The following PCCA variants were observed in gnomAD, a reference collection of about 807,000 sequenced individuals.
PCCA encodes propionyl-CoA carboxylase subunit alpha.
In PCCA, 74 loss-of-function variants were observed where a neutral mutation model predicts 101.3. The ratio of observed to expected loss-of-function variants is 0.73; its 90% CI spans 0.61 to 0.89. The LOEUF (loss-of-function observed/expected upper bound fraction) is 0.89. PCCA is among the 40% of genes least tolerant of loss of function. PCCA has a pLI of 0.00. For synonymous variants in PCCA, 294 were observed against 313.6 expected, an observed-to-expected ratio of 0.94 and a Z score of 0.66; for missense variants, 891 against 907.0, an observed-to-expected ratio of 0.98 and a Z score of 0.23.
intron 21 of PCCA, among the ~76,000 whole-genome samples, chr13:100,467,955 A>C (rs918760745): frequency 2.0e-5 from 3 of 152,178 alleles, no homozygotes; most frequent in Admixed American, 1.3e-4. Flanking sequence ...TAGTCTTCCA[A>C]ATGTATTTCT....
intron 4 of PCCA, among the ~76,000 whole-genome samples, chr13:100,132,908 T>C (rs1011628112): frequency 1.3e-5 from 2 of 152,104 alleles, no homozygotes; most frequent in African/African-American, 2.4e-5. Flanking sequence ...TGAGTAGCTG[T>C]AGCTGGCATT....
chr13:100,260,408 T>A (rs556522529), intron 9 of PCCA, among the ~76,000 whole-genome samples: 1 of 151,834 alleles, frequency 6.6e-6, no homozygotes, highest in South Asian at 2.1e-4. Flanking sequence ...TTTTTTTTTT[T>A]TTTTTTGAGA....
chr13:100,407,345 T>C (rs1567081178), intron 19 of PCCA, among the ~76,000 whole-genome samples: 1 of 152,230 alleles, frequency 6.6e-6, no homozygotes, highest in Non-Finnish European at 1.5e-5. Flanking sequence ...AAAGACAATT[T>C]TGAAACTGAA....
intron 18 of PCCA, among the ~76,000 whole-genome samples, chr13:100,365,551 CAT>C (rs2075079271): frequency 6.6e-6 from 1 of 152,074 alleles, no homozygotes; most frequent in Non-Finnish European, 1.5e-5. Flanking sequence ...CAGCATATGA[CAT>C]AGATTAAATG....
At chr13:100,509,149 C>T (rs571613036) in intron 21 of PCCA, among the ~76,000 whole-genome samples, 1 of 144,346 alleles carries the variant, frequency 6.9e-6, no homozygotes, top group African/African-American at 2.4e-5. Flanking sequence ...TATTTCACAA[C>T]GCTGAAAGAT....
At chr13:100,188,746 C>A (rs2057514232) in intron 6 of PCCA, among the ~76,000 whole-genome samples, 1 of 152,094 alleles carries the variant, frequency 6.6e-6, no homozygotes, top group Admixed American at 6.5e-5. Context: ...TTGATTATGG[C>A]CATTCTTGCA....
intron 10 of PCCA, among the ~76,000 whole-genome samples, chr13:100,263,879 A>G (rs377625672): frequency 1.1e-4 from 17 of 150,874 alleles, no homozygotes; most frequent in African/African-American, 4.1e-4. Context: ...TCGTATATAT[A>G]TGGTATCTGT....
At chr13:100,475,341 G>A (rs995890655) in intron 21 of PCCA, among the ~76,000 whole-genome samples, 1 of 151,724 alleles carries the variant, frequency 6.6e-6, no homozygotes, top group Non-Finnish European at 1.5e-5. Context: ...CACCCCTCCC[G>A]CCTGTGGTAG....
chr13:100,497,055 A>G (rs1164934081), intron 21 of PCCA, among the ~76,000 whole-genome samples: 1 of 152,190 alleles, frequency 6.6e-6, no homozygotes, highest in African/African-American at 2.4e-5. Context: ...TTGTTCCTCA[A>G]AAGCTCTAGG....
chr13:100,264,062 C>T (rs1251200390), intron 10 of PCCA, among the ~76,000 whole-genome samples: 7 of 136,820 alleles, frequency 5.1e-5, no homozygotes, highest in Admixed American at 1.5e-4. Context: ...CGTATATATA[C>T]GGTATCTGTA....
chr13:100,487,234 G>A (rs1406586418), intron 21 of PCCA, among the ~76,000 whole-genome samples: 1 of 152,176 alleles, frequency 6.6e-6, no homozygotes, highest in African/African-American at 2.4e-5. Flanking sequence ...AAGGGCAGAG[G>A]TTCTGAACTG....
intron 10 of PCCA, 34 bp downstream of exon 10, chr13:100,262,865 T>G: frequency 1.2e-6 from 1 of 839,764 alleles, no homozygotes; most frequent in Non-Finnish European, 2.1e-6. Flanking sequence ...TCATTATTAT[T>G]TTAAAATAAT....
intron 6 of PCCA, among the ~76,000 whole-genome samples, chr13:100,170,156 G>C (rs1245728068): frequency 2.6e-5 from 4 of 152,180 alleles, no homozygotes; most frequent in Non-Finnish European, 4.4e-5. Context: ...CTTTCATTGT[G>C]TTATGCTATT....
At chr13:100,390,346 A>G (rs1028474008) in intron 19 of PCCA, among the ~76,000 whole-genome samples, 5 of 152,194 alleles carry the variant, frequency 3.3e-5, no homozygotes, top group African/African-American at 1.2e-4. Flanking sequence ...AATTTTAGAC[A>G]TAATTTTGAA....
At chr13:100,216,630 C>T (rs1371469819) in intron 7 of PCCA, among the ~76,000 whole-genome samples, 6 of 152,174 alleles carry the variant, frequency 3.9e-5, no homozygotes, top group Admixed American at 3.9e-4. Flanking sequence ...ATATACGTTG[C>T]CATTTAGTAC....
At chr13:100,157,159 T>G in intron 5 of PCCA, 128 bp from the exon 6 acceptor site, 4 of 653,614 alleles carry the variant, frequency 6.1e-6, no homozygotes, top group Middle Eastern at 4.2e-4. Flanking sequence ...GATCAGTGTA[T>G]AAGAGAAGTG....
intron 9 of PCCA, among the ~76,000 whole-genome samples, chr13:100,260,777 A>C (rs2062441220): frequency 6.6e-6 from 1 of 152,040 alleles, no homozygotes; most frequent in East Asian, 1.9e-4. Context: ...ATTAAAACGC[A>C]TCTTAAGTGT....
chr13:100,390,801 GAA>G (rs149818340), intron 19 of PCCA, among the ~76,000 whole-genome samples: 1,704 of 152,302 alleles, frequency 0.011, 41 homozygotes, highest in African/African-American at 0.039. Context: ...AATGGGGCCA[GAA>G]ATGAAATTGT....
chr13:100,522,190 G>T (rs1461612722), intron 22 of PCCA, among the ~76,000 whole-genome samples: 2 of 152,210 alleles, frequency 1.3e-5, no homozygotes, highest in Non-Finnish European at 2.9e-5. Flanking sequence ...AGGGTTCCTT[G>T]CAGCGGGCCC....
Sources: allele counts gnomAD v4.1 joint callset (sites outside exome capture counted in the v4.1 genomes callset), GRCh38; gene constraint gnomAD v4.1.1; transcripts MANE v1.5; gene names NCBI Gene and HGNC (gene_info 2026-07-23, HGNC 2026-07-21).